The following CTNND2 variants were observed in gnomAD, a reference collection of about 807,000 sequenced individuals.
The protein encoded by CTNND2 is catenin delta-2.
CTNND2 carries 22 observed loss-of-function variants against 144.4 expected under a neutral mutation model. The observed-to-expected ratio is 0.15, with a 90% CI of 0.11 to 0.22. The LOEUF (loss-of-function observed/expected upper bound fraction) is 0.22. Among genes scored for constraint, CTNND2 ranks in the 10% least tolerant of loss-of-function variants. The pLI, the probability that CTNND2 is intolerant of heterozygous loss-of-function variation, is 1.00. For synonymous variants in CTNND2, 751 were observed against 695.6 expected (o/e 1.08, Z -1.25); for missense variants, 1,353 against 1,618.8 (o/e 0.84, Z 2.82).
At chr5:11,282,549 G>C (rs908237094) in intron 9 of CTNND2, among the ~76,000 whole-genome samples, 4 of 152,184 alleles carry the variant, frequency 2.6e-5, no homozygotes, top group Admixed American at 6.5e-5. Flanking sequence ...GCTCCTGCTA[G>C]AAATCCAGGA....
Position 11,662,119 on chromosome 5 carries a change from A to G in CTNND2, c.174+70017T>C, listed in dbSNP as rs150692912. Among the ~76,000 whole-genome samples, 343 of 141,044 alleles carry G rather than the reference A, an allele frequency of 2.4e-3. 3 individuals carry two copies. Among genetic ancestry groups the G allele is most frequent in the African/African-American group, 8.5e-3 (290 of 34,276 alleles). 92.5% of individuals were successfully genotyped at this position (141,044 alleles called of 152,430 possible). ...TATACACATATTTATGTGTGTGTGTATATATATATACATATATGTATATAT... is the reference window on the plus strand; with the variant it reads ...TATACACATATTTATGTGTGTGTGTGTATATATATACATATATGTATATAT... On this transcript the variant is annotated intron_variant, in intron 2 of 21. Transcript: ENST00000304623.
At chr5:11,744,564 A>G (rs1788196585) in intron 1 of CTNND2, among the ~76,000 whole-genome samples, 1 of 152,142 alleles carries the variant, frequency 6.6e-6, no homozygotes. Context: ...AGGAAAGAGC[A>G]GCAAGTGGGC....
intron 3 of CTNND2, among the ~76,000 whole-genome samples, chr5:11,480,872 T>C (rs1768187631): frequency 6.6e-6 from 1 of 152,038 alleles, no homozygotes; most frequent in Non-Finnish European, 1.5e-5. Context: ...TTTCCAAATG[T>C]TACTATGGAA....
chr5:11,274,300 T>G (rs1746310891), intron 9 of CTNND2, among the ~76,000 whole-genome samples: 1 of 152,226 alleles, frequency 6.6e-6, no homozygotes, highest in South Asian at 2.1e-4. Flanking sequence ...GGCTTAAGAA[T>G]GCATAGAGGT....
chr5:11,660,694 G>A (rs1783153936), intron 2 of CTNND2, among the ~76,000 whole-genome samples: 1 of 152,034 alleles, frequency 6.6e-6, no homozygotes, highest in Non-Finnish European at 1.5e-5. Flanking sequence ...ATTGATAGTG[G>A]TACCCTTAAA....
chr5:11,326,384 A>G (rs1199033542), intron 9 of CTNND2, among the ~76,000 whole-genome samples: 2 of 152,214 alleles, frequency 1.3e-5, no homozygotes, highest in Middle Eastern at 3.4e-3. Context: ...AGAGGGTGGG[A>G]TTACTGTGAG....
intron 16 of CTNND2, among the ~76,000 whole-genome samples, chr5:11,062,487 C>T (rs1747105909): frequency 6.6e-6 from 1 of 152,250 alleles, no homozygotes; most frequent in Non-Finnish European, 1.5e-5. Context: ...GGCTGCTTTT[C>T]TCTTTACGTG....
intron 9 of CTNND2, among the ~76,000 whole-genome samples, chr5:11,322,060 A>ATGATC (rs1378046547): frequency 1.3e-5 from 2 of 151,962 alleles, no homozygotes; most frequent in African/African-American, 2.4e-5. Context: ...CCTCCACACG[A>ATGATC]CTGCAACTCC....
chr5:11,518,290 A>G (rs1260504046), intron 3 of CTNND2, among the ~76,000 whole-genome samples: 4 of 93,734 alleles, frequency 4.3e-5, no homozygotes, highest in Non-Finnish European at 6.5e-5. Flanking sequence ...AAAAGTAAAA[A>G]GCTTATAGAA....
rs193111935 is a variant in CTNND2, at chr5:11,667,748, G to T, written c.174+64388C>A. 9.8e-5 allele frequency among the ~76,000 whole-genome samples: 15 copies of T among 152,290 alleles called. No individual in the cohort carries two copies. The East Asian group carries it at 2.9e-3, about 29-fold the overall frequency. ...CACTCTGTTGATAGTTTATTTTGCTGTGTGGAGGCTCTTTAGTTTAATTAG... is the reference window on the plus strand; with the variant it reads ...CACTCTGTTGATAGTTTATTTTGCTTTGTGGAGGCTCTTTAGTTTAATTAG... On this transcript the variant is annotated intron_variant, in intron 2 of 21. Coordinates refer to ENST00000304623, the MANE Select transcript of CTNND2 (RefSeq NM_001332.4).
intron 11 of CTNND2, among the ~76,000 whole-genome samples, chr5:11,178,606 A>G (rs971680424): frequency 6.6e-6 from 1 of 152,186 alleles, no homozygotes; most frequent in African/African-American, 2.4e-5. Context: ...TGCTAACAAA[A>G]TGAGGCAAAT....
intron 10 of CTNND2, among the ~76,000 whole-genome samples, chr5:11,214,475 C>T (rs530630206): frequency 1.6e-4 from 25 of 152,238 alleles, no homozygotes; most frequent in Non-Finnish European, 3.1e-4. Flanking sequence ...TTCAATAGAC[C>T]GGTAGATGCT....
chr5:11,885,257 T>A (rs1736432530), intron 1 of CTNND2, among the ~76,000 whole-genome samples: 1 of 152,196 alleles, frequency 6.6e-6, no homozygotes, highest in Non-Finnish European at 1.5e-5. Context: ...TTTTAAAAGT[T>A]TGAATTCAGC....
At chr5:11,808,926 AACT>A (rs1792158837) in intron 1 of CTNND2, among the ~76,000 whole-genome samples, 1 of 152,218 alleles carries the variant, frequency 6.6e-6, no homozygotes, top group African/African-American at 2.4e-5. Context: ...AATTAACCTG[AACT>A]ACTAATGGAA....
In CTNND2 at chr5:11,006,830, T is replaced by G. The variant is rs920208384; in HGVS notation, c.3084+11144A>C. Among the ~76,000 whole-genome samples, 12 of 152,114 alleles carry G rather than the reference T, an allele frequency of 7.9e-5. No homozygotes were observed. In the East Asian group the frequency reaches 2.3e-3, roughly 29 times the overall value. The stretch of plus-strand genomic sequence containing the variant: ...AGGACATTTCTCAAACATCGTAAGA[T>G]AGAAGCACGAAGAGCATATGTATCT... On this transcript the variant is annotated intron_variant, in intron 18 of 21. Coordinates refer to ENST00000304623, the MANE Select transcript of CTNND2 (RefSeq NM_001332.4).
At chr5:11,251,643 T>C (rs1580713331) in intron 9 of CTNND2, among the ~76,000 whole-genome samples, 1 of 152,198 alleles carries the variant, frequency 6.6e-6, no homozygotes, top group East Asian at 1.9e-4. Context: ...AGCAAACGAA[T>C]CGTCCTCACG....
intron 1 of CTNND2, among the ~76,000 whole-genome samples, chr5:11,865,902 C>CAAA (rs56310600): frequency 3.4e-5 from 3 of 87,426 alleles, no homozygotes; most frequent in Non-Finnish European, 4.3e-5. Flanking sequence ...CTGGAAGAGA[C>CAAA]AAAAAAAAAA....
intron 3 of CTNND2, among the ~76,000 whole-genome samples, chr5:11,450,723 C>T (rs895409817): frequency 1.3e-5 from 2 of 151,974 alleles, no homozygotes; most frequent in Non-Finnish European, 2.9e-5. Context: ...CATGGTGAAA[C>T]CCCGTCCCTA....
rs530619711 is a variant in CTNND2 at position 11,416,143 on chromosome 5, C to A, written c.288-4074G>T. Among the ~76,000 whole-genome samples, 4 of 152,274 alleles carry A rather than the reference C, an allele frequency of 2.6e-5. No individual in the cohort carries two copies. The East Asian group carries it at 7.7e-4, about 29-fold the overall frequency. On this transcript the variant is annotated intron_variant, in intron 3 of 21. Coordinates refer to ENST00000304623, the MANE Select transcript of CTNND2 (RefSeq NM_001332.4). Reference sequence around the variant, plus strand: ...AGTTGGAAGAAAATGTCCGGGGTAACCCTAGTACAAATAAGGTGGTGCCGA... The same window carrying A: ...AGTTGGAAGAAAATGTCCGGGGTAAACCTAGTACAAATAAGGTGGTGCCGA...
Sources: allele counts gnomAD v4.1 joint callset (sites outside exome capture counted in the v4.1 genomes callset), GRCh38; gene constraint gnomAD v4.1.1; transcripts MANE v1.5; gene names NCBI Gene and HGNC (gene_info 2026-07-23, HGNC 2026-07-21).